ST6GAL1: variants seen among roughly 807,000 people sequenced by gnomAD.
The protein encoded by ST6GAL1 is ST6 beta-galactoside alpha-2,6-sialyltransferase 1, also known as beta-galactoside alpha-2,6-sialyltransferase 1.
In ST6GAL1, 20 loss-of-function variants were observed where a neutral mutation model predicts 38.0. The ratio of observed to expected loss-of-function variants is 0.53; its 90% CI spans 0.37 to 0.77. The LOEUF is 0.77. ST6GAL1 is among the 30% of genes least tolerant of loss of function. ST6GAL1 has a pLI of 0.00. For synonymous variants in ST6GAL1, 196 were observed against 188.2 expected (o/e 1.04, Z -0.34); for missense variants, 432 against 496.4 (o/e 0.87, Z 1.23).
At chr3:187,027,371 T>C (rs1430241119) in intron 2 of ST6GAL1, among the ~76,000 whole-genome samples, 1 of 152,210 alleles carries the variant, frequency 6.6e-6, no homozygotes, top group Non-Finnish European at 1.5e-5. Context: ...GGGGTGCTTA[T>C]TAAATGCAGA....
intron 5 of ST6GAL1, among the ~76,000 whole-genome samples, chr3:187,052,461 C>T (rs537210635): frequency 6.6e-6 from 1 of 152,142 alleles, no homozygotes; most frequent in Non-Finnish European, 1.5e-5. Context: ...CCCAACCCCA[C>T]AACAGGCCCC....
chr3:187,060,461 G>A (rs1048683104), intron 5 of ST6GAL1, among the ~76,000 whole-genome samples: 8 of 152,140 alleles, frequency 5.3e-5, no homozygotes, highest in African/African-American at 1.9e-4. Context: ...TCACCCAGCA[G>A]GGTGAGACAT....
chr3:186,932,991 A>G (rs888836841), intron 1 of ST6GAL1, among the ~76,000 whole-genome samples: 1 of 152,198 alleles, frequency 6.6e-6, no homozygotes, highest in Non-Finnish European at 1.5e-5. Context: ...ATGCCTAGGC[A>G]GATAGGGTCA....
Position 187,051,238 on chromosome 3 carries a change from G to A in ST6GAL1, c.608-11G>A, listed in dbSNP as rs949084165. 2.5e-6 allele frequency: 4 copies of A among 1,592,050 alleles called. No homozygotes were observed. In the African/African-American group the frequency reaches 4.1e-5, roughly 16 times the overall value. ...CTCATCACCTCTTTTCTGTTTCTTTGTGGTTTATAGATGATCATGACGCAG... is the reference window on the plus strand; with the variant it reads ...CTCATCACCTCTTTTCTGTTTCTTTATGGTTTATAGATGATCATGACGCAG... On this transcript the variant is annotated splice_polypyrimidine_tract_variant and intron_variant, in intron 4 of 7. Coordinates refer to ENST00000169298, the MANE Select transcript of ST6GAL1 (RefSeq NM_173216.2).
intron 2 of ST6GAL1, among the ~76,000 whole-genome samples, chr3:187,030,328 A>G (rs1484944272): frequency 6.6e-6 from 1 of 152,200 alleles, no homozygotes; most frequent in Non-Finnish European, 1.5e-5. Context: ...CATGTGTTAG[A>G]GGTTCAGTCT....
rs376008168 is a variant in ST6GAL1 at position 186,978,803 on chromosome 3, C to CT, written c.-183+14879dup. On this transcript the variant is annotated intron_variant, in intron 2 of 7. Transcript: ENST00000169298. The stretch of plus-strand genomic sequence containing the variant: ...AAGACCATTTCTCATCACTGCAGCC[C>CT]TTATACCCTGTCCCACCTCACAGCT... 6.6e-5 allele frequency among the ~76,000 whole-genome samples: 10 copies of CT among 152,222 alleles called. 1 individual carries two copies. Among genetic ancestry groups the CT allele is most frequent in the African/African-American group, 2.4e-4 (10 of 41,540 alleles).
At chr3:186,969,511 A>C (rs1560145804) in intron 2 of ST6GAL1, among the ~76,000 whole-genome samples, 1 of 152,182 alleles carries the variant, frequency 6.6e-6, no homozygotes, top group Non-Finnish European at 1.5e-5. Flanking sequence ...CCATTTAAAG[A>C]AAATTGGGTT....
chr3:186,989,994 G>A (rs1232372488), intron 2 of ST6GAL1, among the ~76,000 whole-genome samples: 1 of 152,218 alleles, frequency 6.6e-6, no homozygotes, highest in Non-Finnish European at 1.5e-5. Flanking sequence ...AGTTAGATGA[G>A]TTGGTTTGAA....
intron 2 of ST6GAL1, among the ~76,000 whole-genome samples, chr3:186,981,379 G>C (rs1715693943): frequency 6.6e-6 from 1 of 152,214 alleles, no homozygotes; most frequent in Non-Finnish European, 1.5e-5. Flanking sequence ...TTATGTAGAA[G>C]CTCTGGTTAT....
chr3:186,999,172 TA>T lies in ST6GAL1; in HGVS notation c.-183+35248del, dbSNP rs560217559. Among the ~76,000 whole-genome samples the T allele has an allele frequency of 6.6e-5, 10 of 152,340 alleles. No homozygotes were observed. In the South Asian group the frequency reaches 2.1e-3, roughly 32 times the overall value. On this transcript the variant is annotated intron_variant, in intron 2 of 7. Transcript: ENST00000169298. ...CCTTTTTAAATGCATATGCGAAAGT[TA>T]AGGGAATCCTTTCACTAGGCGGTAA...
At chr3:186,996,382 A>G (rs1716406167) in intron 2 of ST6GAL1, among the ~76,000 whole-genome samples, 1 of 152,250 alleles carries the variant, frequency 6.6e-6, no homozygotes, top group Admixed American at 6.5e-5. Flanking sequence ...ACATGATGGC[A>G]TAGCTTTGTG....
chr3:187,001,587 C>T (rs775821201), intron 2 of ST6GAL1, among the ~76,000 whole-genome samples: 4 of 152,114 alleles, frequency 2.6e-5, no homozygotes, highest in Non-Finnish European at 4.4e-5. Flanking sequence ...ACTTCAGCAT[C>T]ATGTTAGGGG....
intron 1 of ST6GAL1, among the ~76,000 whole-genome samples, chr3:186,933,939 C>G (rs1713849448): frequency 6.6e-6 from 1 of 152,214 alleles, no homozygotes; most frequent in Non-Finnish European, 1.5e-5. Flanking sequence ...GATCAGCTTT[C>G]TTTAGTGTTT....
intron 2 of ST6GAL1, among the ~76,000 whole-genome samples, chr3:187,001,127 C>G (rs1268108501): frequency 3.9e-5 from 6 of 152,182 alleles, no homozygotes; most frequent in Non-Finnish European, 7.3e-5. Context: ...TGTGGCTTCA[C>G]TAAGTTTGGC....
intron 1 of ST6GAL1, among the ~76,000 whole-genome samples, chr3:186,957,432 G>A (rs1222825904): frequency 6.6e-6 from 1 of 152,024 alleles, no homozygotes; most frequent in East Asian, 1.9e-4. Context: ...AACAGAGTGG[G>A]ACCCTGTCCC....
intron 4 of ST6GAL1, among the ~76,000 whole-genome samples, chr3:187,049,462 A>C (rs1718435835): frequency 6.6e-6 from 1 of 152,192 alleles, no homozygotes; most frequent in Admixed American, 6.5e-5. Context: ...GGGCAGAACC[A>C]GGTTGGGATA....
At chr3:187,055,655 G>A (rs7638437) in intron 5 of ST6GAL1, among the ~76,000 whole-genome samples, 116,167 of 152,104 alleles carry the variant, frequency 0.76, 44,611 homozygotes, top group East Asian at 0.84. Context: ...ATTTGATTGC[G>A]CTGTGGTCTG....
At chr3:187,027,594 G>C (rs1399232316) in intron 2 of ST6GAL1, among the ~76,000 whole-genome samples, 1 of 152,026 alleles carries the variant, frequency 6.6e-6, no homozygotes, top group Admixed American at 6.6e-5. Context: ...TTTTATTCCG[G>C]CCCCCCTTCT....
chr3:186,975,864 A>C (rs1177934055), intron 2 of ST6GAL1, among the ~76,000 whole-genome samples: 1 of 152,206 alleles, frequency 6.6e-6, no homozygotes, highest in Admixed American at 6.5e-5. Flanking sequence ...CCCTTACCTC[A>C]TCCCAATCCT....
Sources: allele counts gnomAD v4.1 joint callset (sites outside exome capture counted in the v4.1 genomes callset), GRCh38; gene constraint gnomAD v4.1.1; transcripts MANE v1.5; gene names NCBI Gene and HGNC (gene_info 2026-07-23, HGNC 2026-07-21).